Variants in INSYN2A observed in about 807,000 individuals in gnomAD.
The protein encoded by INSYN2A is family with sequence similarity 196 member A.
Under a neutral mutation model 39.4 loss-of-function variants are expected in INSYN2A, and 17 were observed. That is an observed-to-expected ratio of 0.43 (90% CI 0.30 to 0.65). The LOEUF is 0.65. Among genes scored for constraint, INSYN2A ranks in the 30% least tolerant of loss-of-function variants. The pLI, the probability that INSYN2A is intolerant of heterozygous loss-of-function variation, is 0.14. For missense variants in INSYN2A, 595 were observed against 631.2 expected, an observed-to-expected ratio of 0.94 and a Z score of 0.61; for synonymous variants, 255 against 265.7, an observed-to-expected ratio of 0.96 and a Z score of 0.39.
chr10:127,158,447 T>G (rs1036329362), intron 4 of INSYN2A, among the ~76,000 whole-genome samples: 14 of 152,212 alleles, frequency 9.2e-5, no homozygotes, highest in African/African-American at 3.1e-4. Flanking sequence ...TCTTGCAGAT[T>G]AATTGCTACC....
At chr10:127,167,939 C>T (rs1412852733) in intron 4 of INSYN2A, among the ~76,000 whole-genome samples, 1 of 152,184 alleles carries the variant, frequency 6.6e-6, no homozygotes, top group Non-Finnish European at 1.5e-5. Flanking sequence ...TTCCCAGTAG[C>T]AAAGTAACCT....
intron 4 of INSYN2A, among the ~76,000 whole-genome samples, chr10:127,159,587 C>T (rs575258026): frequency 2.4e-4 from 37 of 152,188 alleles, no homozygotes; most frequent in African/African-American, 8.4e-4. Flanking sequence ...TCAGTTAATC[C>T]TTTTTGGACC....
intron 5 of INSYN2A, among the ~76,000 whole-genome samples, chr10:127,143,194 C>T (rs530564147): frequency 6.6e-6 from 1 of 152,320 alleles, no homozygotes; most frequent in Admixed American, 6.5e-5. Context: ...TTGCCTTCTG[C>T]AGTCGTCCAT....
At chr10:127,190,414 G>C (rs1464177527) in intron 2 of INSYN2A, among the ~76,000 whole-genome samples, 1 of 152,130 alleles carries the variant, frequency 6.6e-6, no homozygotes, top group East Asian at 1.9e-4. Context: ...AGGATTCCCT[G>C]AGTTGGTAGC....
In INSYN2A at chr10:127,176,751, A is replaced by T; in HGVS notation, c.-6+126T>A. ...TGCAAATTATCTTTTCACACGCGTG[A>T]CTCCCCTTCTTAGGCAGATGGTTTA... is the stretch of plus-strand genomic sequence containing the variant. On this transcript the variant is annotated intron_variant, in intron 3 of 5. Transcript: ENST00000522781. The surrounding 1 kb of genome is among the most constrained non-coding windows in gnomAD (Gnocchi z 4.4). 3 of 186,648 alleles carry T rather than the reference A, an allele frequency of 1.6e-5. No homozygotes were observed. The highest frequency in any genetic ancestry group is 1.6e-4 in the South Asian group (1 of 6,160). 11.6% of individuals were successfully genotyped at this position (186,648 alleles called of 1,614,324 possible).
intron 5 of INSYN2A, among the ~76,000 whole-genome samples, chr10:127,140,496 G>C (rs11594042): frequency 0.19 from 29,020 of 152,160 alleles, 3,634 homozygotes; most frequent in South Asian, 0.33. Context: ...GTGGATCTGC[G>C]TGTGGGATGA....
intron 4 of INSYN2A, among the ~76,000 whole-genome samples, chr10:127,171,911 G>A (rs1387944193): frequency 6.6e-6 from 1 of 152,038 alleles, no homozygotes; most frequent in Non-Finnish European, 1.5e-5. Flanking sequence ...CACCATGTTG[G>A]CCAGACTGGT....
chr10:127,159,377 C>T (rs1276375065), intron 4 of INSYN2A, among the ~76,000 whole-genome samples: 2 of 152,192 alleles, frequency 1.3e-5, no homozygotes, highest in Non-Finnish European at 2.9e-5. Context: ...GTTTCTCTAG[C>T]TACCTTATAC....
intron 4 of INSYN2A, among the ~76,000 whole-genome samples, chr10:127,168,861 CTG>C (rs1247449781): frequency 1.3e-5 from 2 of 152,174 alleles, no homozygotes; most frequent in African/African-American, 4.8e-5. Context: ...TCTTTCTGCT[CTG>C]TAACTTAAAT....
At chr10:127,153,695 G>C (rs1409703163) in intron 5 of INSYN2A, among the ~76,000 whole-genome samples, 157 bp downstream of exon 5, 1 of 152,172 alleles carries the variant, frequency 6.6e-6, no homozygotes, top group Non-Finnish European at 1.5e-5. Context: ...TTGGGGTGGG[G>C]TATTTAGAGG....
intron 1 of INSYN2A, among the ~76,000 whole-genome samples, chr10:127,195,554 T>G (rs769463332): frequency 1.3e-5 from 2 of 149,322 alleles, no homozygotes. Flanking sequence ...GCCGTACTTG[T>G]ACTTTCCAGG....
In INSYN2A at chr10:127,137,811, C is replaced by G; in HGVS notation, c.*26G>C. ...AAACTCCAGTGGGTTCTAAAGACGG[C>G]CTCGAGACTCCAGACACCGTGAGTG... On this transcript the variant is annotated 3_prime_UTR_variant, in exon 6 of 6. Coordinates refer to ENST00000522781, the MANE Select transcript of INSYN2A (RefSeq NM_001039762.3). 6.3e-7 allele frequency: 1 copy of G among 1,595,252 alleles called. No individual in the cohort carries two copies. Among genetic ancestry groups the G allele is most frequent in the Non-Finnish European group, 8.5e-7 (1 of 1,172,284 alleles).
intron 2 of INSYN2A, among the ~76,000 whole-genome samples, chr10:127,186,438 C>A (rs1341586694): frequency 6.9e-6 from 1 of 145,860 alleles, no homozygotes; most frequent in Non-Finnish European, 1.5e-5. Flanking sequence ...CTCCTTAACA[C>A]ATCCGATAGA....
chr10:127,149,621 G>C (rs528425504), intron 5 of INSYN2A, among the ~76,000 whole-genome samples: 1 of 152,250 alleles, frequency 6.6e-6, no homozygotes, highest in South Asian at 2.1e-4. Context: ...ATTGGGTTTC[G>C]AGTGAAAAGT....
Position 127,175,813 on chromosome 10 carries a change from G to T in INSYN2A, c.583C>A (p.Pro195Thr). ...DQPLGVNCTE[P>T]CKSPEPLSYG... Reference sequence around the variant, plus strand: ...CTGAGCGGCTCCGGGCTTTTACAGGGCTCTGTGCAGTTGACCCCCAAAGGC... The same window carrying T: ...CTGAGCGGCTCCGGGCTTTTACAGGTCTCTGTGCAGTTGACCCCCAAAGGC... The change falls in exon 4 of 6, where the codon CCC (proline) becomes ACC (threonine). Residue 195 changes from proline (P) to threonine (T), a missense_variant. This residue lies in a region of INSYN2A where 478 missense variants were observed against 467.4 expected (regional missense o/e 1.02). Transcript: ENST00000522781. The surrounding 1 kb of genome is among the most constrained non-coding windows in gnomAD (Gnocchi z 6.3). 1 of 1,614,086 alleles carries T rather than the reference G, an allele frequency of 6.2e-7. No individual in the cohort carries two copies. Among genetic ancestry groups the T allele is most frequent in the East Asian group, 2.2e-5 (1 of 44,848 alleles).
chr10:127,141,329 C>T (rs919437600), intron 5 of INSYN2A, among the ~76,000 whole-genome samples: 2 of 152,154 alleles, frequency 1.3e-5, no homozygotes, highest in Non-Finnish European at 2.9e-5. Context: ...TTTCTGTTTC[C>T]AGCAACTATA....
chr10:127,170,552 G>A (rs2054473374), intron 4 of INSYN2A, among the ~76,000 whole-genome samples: 1 of 152,144 alleles, frequency 6.6e-6, no homozygotes, highest in Non-Finnish European at 1.5e-5. Flanking sequence ...TAAATGTTTG[G>A]CGTAGGAAAT....
At position 127,136,112 on chromosome 10, in the gene INSYN2A, A is replaced by C. The variant is rs1035434168; in HGVS notation, c.*1725T>G. 1 of 152,338 alleles carries C rather than the reference A, an allele frequency of 6.6e-6. No homozygotes were observed. The highest frequency in any genetic ancestry group is 2.4e-5 in the African/African-American group (1 of 41,424). 9.4% of individuals were successfully genotyped at this position (152,338 alleles called of 1,614,324 possible). On this transcript the variant is annotated 3_prime_UTR_variant, in exon 6 of 6. Coordinates refer to ENST00000522781, the MANE Select transcript of INSYN2A (RefSeq NM_001039762.3). ...TTCCGCAGAGGATGTGTGTGTGCAC[A>C]TGTGTGTTTTAAATTAAAGCATACA...
intron 4 of INSYN2A, among the ~76,000 whole-genome samples, chr10:127,159,835 A>C (rs1020436569): frequency 6.6e-6 from 1 of 152,160 alleles, no homozygotes; most frequent in Non-Finnish European, 1.5e-5. Flanking sequence ...CCTCAGCCTG[A>C]GAGCCGCACC....
Sources: allele counts gnomAD v4.1 joint callset (sites outside exome capture counted in the v4.1 genomes callset), GRCh38; gene constraint gnomAD v4.1.1; regional missense constraint gnomAD v4.1.1; non-coding constraint Gnocchi (gnomAD v3.1); transcripts MANE v1.5; gene names NCBI Gene and HGNC (gene_info 2026-07-23, HGNC 2026-07-21).